The following ANO6 variants were observed in gnomAD, a reference collection of about 807,000 sequenced individuals.
ANO6 encodes the protein anoctamin 6, also known as anoctamin-6.
In ANO6, 106 loss-of-function variants were observed where a neutral mutation model predicts 117.5. The ratio of observed to expected loss-of-function variants is 0.90; its 90% CI spans 0.77 to 1.06. The LOEUF (loss-of-function observed/expected upper bound fraction) is 1.06. ANO6 is among the 50% of genes least tolerant of loss of function. The pLI, the probability that ANO6 is intolerant of heterozygous loss-of-function variation, is 0.00. For missense variants in ANO6, 955 were observed against 1,121.1 expected (o/e 0.85, Z 2.12); for synonymous variants, 367 against 385.1 (o/e 0.95, Z 0.55).
intron 19 of ANO6, chr12:45,439,672 C>G: frequency 1.2e-6 from 1 of 854,150 alleles, no homozygotes; most frequent in Non-Finnish European, 1.5e-6. Flanking sequence ...TTTTTTGAGA[C>G]AGTATCTCGC....
chr12:45,337,720 A>G (rs1158879056), intron 3 of ANO6, among the ~76,000 whole-genome samples: 1 of 151,974 alleles, frequency 6.6e-6, no homozygotes, highest in African/African-American at 2.4e-5. Context: ...GATTAGGAGA[A>G]CTATTGTACA....
intron 1 of ANO6, among the ~76,000 whole-genome samples, chr12:45,224,978 C>G (rs1421016650): frequency 6.6e-6 from 1 of 151,978 alleles, no homozygotes; most frequent in South Asian, 2.1e-4. Flanking sequence ...ATTGCTTGAG[C>G]GAAAGAGTTT....
chr12:45,290,245 G>A (rs1396253630), intron 1 of ANO6, among the ~76,000 whole-genome samples: 1 of 151,782 alleles, frequency 6.6e-6, no homozygotes, highest in East Asian at 1.9e-4. Context: ...TTTGGATAAG[G>A]TCATGTGAAC....
At chr12:45,379,691 A>G (rs1465475168) in intron 10 of ANO6, among the ~76,000 whole-genome samples, 1 of 152,216 alleles carries the variant, frequency 6.6e-6, no homozygotes, top group African/African-American at 2.4e-5. Flanking sequence ...AGACATTTGA[A>G]ATAAAGCAAA....
rs1207078805 is a variant in ANO6, at chr12:45,429,550, A to G, written c.*239A>G. 7.7e-7 allele frequency: 1 copy of G among 1,302,236 alleles called. No homozygotes were observed. Among genetic ancestry groups the G allele is most frequent in the East Asian group, 3.5e-5 (1 of 28,778 alleles). 80.7% of individuals were successfully genotyped at this position (1,302,236 alleles called of 1,614,324 possible). ...AAAACCTCAATGTTACCTTTTTCTG[A>G]TAAATTGGAATTTTACAGAAAAAGT... is the stretch of plus-strand genomic sequence containing the variant. On this transcript the variant is annotated 3_prime_UTR_variant, in exon 20 of 20. Transcript: ENST00000320560.
At chr12:45,323,653 A>C (rs1302090005) in intron 2 of ANO6, among the ~76,000 whole-genome samples, 1 of 152,142 alleles carries the variant, frequency 6.6e-6, no homozygotes, top group Non-Finnish European at 1.5e-5. Context: ...CCTTTTTACA[A>C]ATGAGTCAGT....
chr12:45,416,266 C>G (rs1943209615), intron 16 of ANO6, among the ~76,000 whole-genome samples: 1 of 152,122 alleles, frequency 6.6e-6, no homozygotes, highest in African/African-American at 2.4e-5. Flanking sequence ...TATAGCCTTC[C>G]CATGGGTCCA....
chr12:45,253,839 C>T (rs932133761), intron 1 of ANO6, among the ~76,000 whole-genome samples: 2 of 152,162 alleles, frequency 1.3e-5, no homozygotes, highest in Middle Eastern at 3.2e-3. Flanking sequence ...TGCAAAAGCT[C>T]CTCAGAACTC....
chr12:45,432,303 TTC>T lies in ANO6; in HGVS notation c.*2994_*2995del, dbSNP rs1423512339. ...ATGTTAATTTCTGTGCATTTTAATA[TTC>T]TTTTATAATTATGAGCATTTTAATA... On this transcript the variant is annotated 3_prime_UTR_variant, in exon 20 of 20. Coordinates refer to ENST00000320560, the MANE Select transcript of ANO6 (RefSeq NM_001025356.3). 41 of 907,796 alleles carry T rather than the reference TTC, an allele frequency of 4.5e-5. No homozygotes were observed. Among genetic ancestry groups the T allele is most frequent in the South Asian group, 3.6e-4 (7 of 19,316 alleles). The allele number at this position is 907,796 out of a possible 1,614,324, so 56.2% of individuals were successfully genotyped here. A position where few individuals can be genotyped will look rare whatever the true frequency, so the allele number is the denominator to read the frequency against.
chr12:45,429,191 A>G lies in ANO6; in HGVS notation c.2613A>G (p.Lys871=). The G allele has an allele frequency of 6.2e-7, 1 of 1,613,988 alleles. No individual in the cohort carries two copies. Among genetic ancestry groups the G allele is most frequent in the Non-Finnish European group, 8.5e-7 (1 of 1,179,948 alleles). Residue 871 remains lysine, a synonymous_variant, in exon 20 of 20, where the codon AAA becomes AAG. Coordinates refer to ENST00000320560, the MANE Select transcript of ANO6 (RefSeq NM_001025356.3). Reference sequence around the variant, plus strand: ...CAAAGAGCAAGATCCAGAGAGAAAAATACCTAACCCAAAAGCTTCTTCATG... The same window carrying G: ...CAAAGAGCAAGATCCAGAGAGAAAAGTACCTAACCCAAAAGCTTCTTCATG... The part of the protein sequence containing the change: ...KRTKSKIQRE[K]YLTQKLLHEN...
At chr12:45,277,418 G>C (rs1365318243) in intron 1 of ANO6, among the ~76,000 whole-genome samples, 1 of 152,038 alleles carries the variant, frequency 6.6e-6, no homozygotes, top group Non-Finnish European at 1.5e-5. Flanking sequence ...TCATCCTTTG[G>C]GGGAGATTCC....
At chr12:45,399,289 G>T (rs138640078) in intron 12 of ANO6, among the ~76,000 whole-genome samples, 5 of 152,062 alleles carry the variant, frequency 3.3e-5, no homozygotes, top group African/African-American at 9.7e-5. Context: ...TCCGCCTCCC[G>T]CGTTCAAGTG....
rs1940379800 is a variant in ANO6 at position 45,324,085 on chromosome 12, G to A, written c.151-7210G>A. Among the ~76,000 whole-genome samples, 5 of 151,680 alleles carry A rather than the reference G, an allele frequency of 3.3e-5. 1 individual carries two copies. The South Asian group carries it at 1.0e-3, about 32-fold the overall frequency. On this transcript the variant is annotated intron_variant, in intron 2 of 19. Transcript: ENST00000320560. ...CCCGAGTAGCTGGGATTACAGACAT[G>A]CACCACCACGCCTGGCTAATTTTGT...
Position 45,432,220 on chromosome 12 carries a change from G to A in ANO6, c.*2909G>A. 1.0e-6 allele frequency: 1 copy of A among 981,750 alleles called. No individual in the cohort carries two copies. Among genetic ancestry groups the A allele is most frequent in the Non-Finnish European group, 1.2e-6 (1 of 828,132 alleles). The allele number at this position is 981,750 out of a possible 1,614,324, so 60.8% of individuals were successfully genotyped here. ...CTTTTCACACATTGTGGCATAAGATGTAAAGTTTGTAATTAATGTTAATTT... is the reference window on the plus strand; with the variant it reads ...CTTTTCACACATTGTGGCATAAGATATAAAGTTTGTAATTAATGTTAATTT... On this transcript the variant is annotated 3_prime_UTR_variant, in exon 20 of 20. Coordinates refer to ENST00000320560, the MANE Select transcript of ANO6 (RefSeq NM_001025356.3).
intron 9 of ANO6, among the ~76,000 whole-genome samples, chr12:45,371,615 C>T (rs1483072154): frequency 4.6e-5 from 7 of 151,738 alleles, no homozygotes; most frequent in South Asian, 2.1e-4. Flanking sequence ...ACACCTCACA[C>T]GGCAGGGTAC....
chr12:45,399,446 A>G (rs1464298808), intron 12 of ANO6, among the ~76,000 whole-genome samples: 2 of 151,896 alleles, frequency 1.3e-5, no homozygotes, highest in African/African-American at 4.8e-5. Context: ...TGCCCGCCGC[A>G]GCCCCTCAAA....
Position 45,440,090 on chromosome 12 carries a change from G to A in ANO6, c.*152G>A, listed in dbSNP as rs138086937. ...TAATTTTCCTCTAAATCGTATTTGA[G>A]CTGCAACCCACAAGCTTTTATATGT... On this transcript the variant is annotated 3_prime_UTR_variant, in exon 20 of 20. Coordinates refer to the ANO6 transcript ENST00000425752. The A allele has an allele frequency of 3.9e-3, 2,890 of 732,766 alleles. 9 individuals carry two copies. The highest frequency in any genetic ancestry group is 4.9e-3 in the Middle Eastern group (11 of 2,266). The allele number at this position is 732,766 out of a possible 1,614,324, so 45.4% of individuals were successfully genotyped here.
In ANO6 at chr12:45,263,365, G is replaced by GC. The variant is rs1472381387; in HGVS notation, c.71-38647dup. Among the ~76,000 whole-genome samples the GC allele has an allele frequency of 2.3e-3, 235 of 101,776 alleles. 2 individuals carry two copies. Among genetic ancestry groups the GC allele is most frequent in the Middle Eastern group, 0.02 (3 of 152 alleles). The allele number at this position is 101,776 out of a possible 152,430, so 66.8% of individuals were successfully genotyped here. Reference sequence around the variant, plus strand: ...GACTACAACCATCATGCCTGGCCTGGCCTTTTTTTTTTTTTTTTTTTTTTC... The same window carrying GC: ...GACTACAACCATCATGCCTGGCCTGGCCCTTTTTTTTTTTTTTTTTTTTTTC... On this transcript the variant is annotated intron_variant, in intron 1 of 19. Coordinates refer to ENST00000320560, the MANE Select transcript of ANO6 (RefSeq NM_001025356.3).
chr12:45,297,427 C>T (rs1442341613), intron 1 of ANO6, among the ~76,000 whole-genome samples: 1 of 152,146 alleles, frequency 6.6e-6, no homozygotes, highest in Non-Finnish European at 1.5e-5. Context: ...TAGACAATGG[C>T]TCTTTTTATT....
Sources: allele counts gnomAD v4.1 joint callset (sites outside exome capture counted in the v4.1 genomes callset), GRCh38; gene constraint gnomAD v4.1.1; transcripts MANE v1.5; gene names NCBI Gene and HGNC (gene_info 2026-07-23, HGNC 2026-07-21).